DNAH8: variants seen among roughly 807,000 people sequenced by gnomAD.
The protein encoded by DNAH8 is axonemal beta dynein heavy chain 8.
Under a neutral mutation model 562.1 loss-of-function variants are expected in DNAH8, and 382 were observed. The ratio of observed to expected loss-of-function variants is 0.68; its 90% CI spans 0.63 to 0.74. The LOEUF (loss-of-function observed/expected upper bound fraction) is 0.74, where lower values mean the gene tolerates loss of function less well. DNAH8 is among the 30% of genes least tolerant of loss of function. The pLI is 0.00. For synonymous variants in DNAH8, 1,881 were observed against 1,919.4 expected (o/e 0.98, Z 0.52); for missense variants, 5,203 against 5,620.4 (o/e 0.93, Z 2.37).
At chr6:38,919,015 G>A (rs1047406212) in intron 70 of DNAH8, among the ~76,000 whole-genome samples, 7 of 151,748 alleles carry the variant, frequency 4.6e-5, no homozygotes, top group African/African-American at 1.7e-4. Context: ...AAAGAGAAAT[G>A]ATAGGAAAAA....
intron 36 of DNAH8, among the ~76,000 whole-genome samples, chr6:38,848,189 C>A (rs556604647): frequency 1.3e-4 from 20 of 152,266 alleles, no homozygotes; most frequent in Middle Eastern, 3.4e-3. Flanking sequence ...ACCTTCAAGA[C>A]CATTCATAAA....
intron 62 of DNAH8, among the ~76,000 whole-genome samples, chr6:38,905,407 A>G (rs1780374861): frequency 6.6e-6 from 1 of 152,204 alleles, no homozygotes; most frequent in Non-Finnish European, 1.5e-5. Context: ...GTAGCCATCT[A>G]ACATTTCTAT....
intron 83 of DNAH8, among the ~76,000 whole-genome samples, chr6:38,972,364 A>T (rs1763404422): frequency 1.3e-5 from 2 of 152,304 alleles, no homozygotes; most frequent in South Asian, 4.1e-4. Context: ...AATGGGCTAA[A>T]ACTCTGTTGG....
chr6:38,756,616 C>T (rs964725458), intron 10 of DNAH8, among the ~76,000 whole-genome samples: 4 of 151,650 alleles, frequency 2.6e-5, no homozygotes, highest in East Asian at 1.9e-4. Flanking sequence ...GTGTGCTGCA[C>T]CCATTAACTC....
chr6:38,757,047 T>G (rs372973366), intron 10 of DNAH8, among the ~76,000 whole-genome samples: 29 of 152,258 alleles, frequency 1.9e-4, no homozygotes, highest in Non-Finnish European at 1.6e-4. Flanking sequence ...GTAATGGGAT[T>G]GCTGGGTCAG....
intron 11 of DNAH8, among the ~76,000 whole-genome samples, chr6:38,766,718 A>G (rs932272350): frequency 1.3e-5 from 2 of 152,064 alleles, no homozygotes; most frequent in African/African-American, 2.4e-5. Flanking sequence ...CCCCACCCCA[A>G]AAAATAACTA....
At chr6:38,968,604 A>G (rs1057079361) in intron 82 of DNAH8, among the ~76,000 whole-genome samples, 6 of 152,144 alleles carry the variant, frequency 3.9e-5, no homozygotes, top group Admixed American at 3.3e-4. Flanking sequence ...TCCCACTAAG[A>G]TAGCTATAAT....
rs769880091 is a variant in DNAH8 at position 38,826,276 on chromosome 6, T to G, written c.3968T>G (p.Leu1323Trp). Residue 1323 changes from leucine to tryptophan, a missense_variant, in exon 29 of 93, where the codon TTG (leucine) becomes TGG (tryptophan). Physicochemically the swap from Leu to Trp is moderately conservative, Grantham distance 61. Around this residue, in one of 6 missense-constraint regions of DNAH8, gnomAD observed 2,176 missense variants for 2,365.1 expected, o/e 0.92. Transcript: ENST00000327475. The part of the protein sequence containing the change: ...SYMIAFINEY[L>W]KKLSRPIRDL... Reference sequence around the variant, plus strand: ...ATGATAGCATTTATTAATGAATACTTGAAAAAGTTATCTAGACCTATTCGT... The same window carrying G: ...ATGATAGCATTTATTAATGAATACTGGAAAAAGTTATCTAGACCTATTCGT... The G allele has an allele frequency of 1.2e-6, 2 of 1,613,450 alleles. No homozygotes were observed. Among genetic ancestry groups the G allele is most frequent in the Non-Finnish European group, 1.7e-6 (2 of 1,179,634 alleles).
intron 82 of DNAH8, 36 bp from the exon 83 acceptor site, chr6:38,971,556 G>A: frequency 1.5e-6 from 2 of 1,300,432 alleles, no homozygotes; most frequent in Non-Finnish European, 2.1e-6. Context: ...TGTAAGAGTT[G>A]TGTTTCATCA....
chr6:39,024,589 G>A (rs1437215875), intron 91 of DNAH8, among the ~76,000 whole-genome samples: 1 of 152,174 alleles, frequency 6.6e-6, no homozygotes, highest in East Asian at 1.9e-4. Context: ...CTACTCCAGA[G>A]GCTGAGGTGG....
intron 53 of DNAH8, among the ~76,000 whole-genome samples, chr6:38,877,584 G>A (rs2150450358): frequency 6.6e-6 from 1 of 152,220 alleles, no homozygotes; most frequent in South Asian, 2.1e-4. Flanking sequence ...TTGTGGCCAC[G>A]AAATGAACTA....
At position 38,984,196 on chromosome 6, in the gene DNAH8, T is replaced by A; in HGVS notation, c.12952-10T>A. ...TGACAATTAATAATCCTTTTTTACT[T>A]TTAATAAAGGGTGTATCATGGAATA... is the stretch of plus-strand genomic sequence containing the variant. On this transcript the variant is annotated splice_polypyrimidine_tract_variant and intron_variant, in intron 86 of 92. Transcript: ENST00000327475. The A allele has an allele frequency of 6.8e-7, 1 of 1,468,540 alleles. No homozygotes were observed. Among genetic ancestry groups the A allele is most frequent in the Admixed American group, 1.8e-5 (1 of 55,934 alleles). The allele number at this position is 1,468,540 out of a possible 1,614,324, so 91.0% of individuals were successfully genotyped here.
intron 59 of DNAH8, 124 bp downstream of exon 59, chr6:38,894,988 G>A (rs1330744761): frequency 4.0e-6 from 4 of 987,910 alleles, no homozygotes; most frequent in Non-Finnish European, 5.7e-6. Flanking sequence ...GAGTGCAATG[G>A]TGCGATCTCA....
At chr6:38,926,522 T>C (rs1013010450) in intron 74 of DNAH8, among the ~76,000 whole-genome samples, 4 of 152,262 alleles carry the variant, frequency 2.6e-5, no homozygotes, top group African/African-American at 9.6e-5. Context: ...AACATTGTGA[T>C]CCCTCAGTTC....
intron 79 of DNAH8, among the ~76,000 whole-genome samples, chr6:38,944,300 G>C (rs940737413): frequency 2.6e-5 from 4 of 152,178 alleles, no homozygotes; most frequent in African/African-American, 9.7e-5. Flanking sequence ...GTTGCACTCA[G>C]AGCCACAGAT....
At chr6:38,730,749 C>T (rs569332832) in intron 4 of DNAH8, among the ~76,000 whole-genome samples, 62 of 152,338 alleles carry the variant, frequency 4.1e-4, no homozygotes, top group African/African-American at 1.4e-3. Flanking sequence ...CATCTGGACA[C>T]GCAGTACTTG....
intron 75 of DNAH8, among the ~76,000 whole-genome samples, chr6:38,930,713 A>G (rs1782490808): frequency 6.6e-6 from 1 of 152,158 alleles, no homozygotes; most frequent in African/African-American, 2.4e-5. Context: ...GCATTTAAAA[A>G]GGTTTAATCC....
intron 82 of DNAH8, among the ~76,000 whole-genome samples, chr6:38,968,395 G>C (rs1763116034): frequency 6.6e-6 from 1 of 151,820 alleles, no homozygotes; most frequent in Non-Finnish European, 1.5e-5. Context: ...ATCTGTTAAG[G>C]GTCTAGTATC....
rs1421966855 is a variant in DNAH8, at chr6:38,845,742, T to C, written c.5014T>C (p.Leu1672=). ...AATTATCACTTTGATGGAGGATAGT[T>C]TAATGGTCTTAGGGTCTTTACTCAG... ...GEIITLMEDS[L]MVLGSLLSNR... is the part of the protein sequence containing the mutation. Residue 1672 remains leucine, a synonymous_variant, in exon 36 of 93, where the codon TTA becomes CTA. Coordinates refer to ENST00000327475, the MANE Select transcript of DNAH8 (RefSeq NM_001206927.2). The C allele has an allele frequency of 6.2e-7, 1 of 1,613,844 alleles. No homozygotes were observed. The highest frequency in any genetic ancestry group is 8.5e-7 in the Non-Finnish European group (1 of 1,179,782).
Sources: allele counts gnomAD v4.1 joint callset (sites outside exome capture counted in the v4.1 genomes callset), GRCh38; gene constraint gnomAD v4.1.1; regional missense constraint gnomAD v4.1.1; transcripts MANE v1.5; gene names NCBI Gene and HGNC (gene_info 2026-07-23, HGNC 2026-07-21).